EED: variants seen among roughly 807,000 people sequenced by gnomAD.
EED encodes embryonic ectoderm development.
A neutral mutation model predicts 61.0 loss-of-function variants in EED; 9 were observed. That is an observed-to-expected ratio of 0.15 (90% CI 0.09 to 0.26). The LOEUF is 0.26. Among genes scored for constraint, EED ranks in the 10% least tolerant of loss-of-function variants. The pLI is 1.00. For missense variants in EED, 315 were observed against 542.3 expected (o/e 0.58, Z 4.16); for synonymous variants, 187 against 174.4 (o/e 1.07, Z -0.57).
chr11:86,273,792 T>C (rs978651521), intron 9 of EED, among the ~76,000 whole-genome samples: 2 of 152,236 alleles, frequency 1.3e-5, no homozygotes, highest in Non-Finnish European at 2.9e-5. Context: ...CCCCTGTAGG[T>C]AAGATGTTCT....
intron 9 of EED, among the ~76,000 whole-genome samples, chr11:86,272,659 C>G (rs1946144890): frequency 6.6e-6 from 1 of 152,120 alleles, no homozygotes. Context: ...TTTTGCAGTT[C>G]TATTGTTCAT....
At position 86,272,057 on chromosome 11, in the gene EED, T is replaced by TTTTG. The variant is rs1347163752; in HGVS notation, c.966+3499_966+3500insGTTT. 2.2e-3 allele frequency among the ~76,000 whole-genome samples: 2 copies of TTTTG among 904 alleles called. 1 individual carries two copies. Among genetic ancestry groups the TTTTG allele is most frequent in the African/African-American group, 6.0e-3 (2 of 336 alleles). The allele number at this position is 904 out of a possible 152,430, so 0.6% of individuals were successfully genotyped here. On this transcript the variant is annotated intron_variant, in intron 9 of 11. Coordinates refer to ENST00000263360, the MANE Select transcript of EED (RefSeq NM_003797.5). ...AAGAGATTGTGCAAAATTAGTGTGA[T>TTTTG]TTTTTTTTTTTTTTTTTTGAGACGG...
chr11:86,271,106 A>AC (rs2138214652), intron 9 of EED, among the ~76,000 whole-genome samples: 1 of 152,184 alleles, frequency 6.6e-6, no homozygotes, highest in South Asian at 2.1e-4. Flanking sequence ...TTTGTATTAA[A>AC]CCTGTATATA....
intron 1 of EED, among the ~76,000 whole-genome samples, chr11:86,247,090 A>G (rs757125869): frequency 6.6e-6 from 1 of 152,266 alleles, no homozygotes; most frequent in Non-Finnish European, 1.5e-5. Flanking sequence ...AGACCTGTTT[A>G]GAATGAAGAA....
At chr11:86,245,437 G>T in intron 1 of EED, 94 bp downstream of exon 1, 1 of 1,023,432 alleles carries the variant, frequency 9.8e-7, no homozygotes, top group Non-Finnish European at 1.5e-6. Context: ...CTGCTGTGGG[G>T]GGAGGGAGAG....
chr11:86,260,044 A>G (rs1945787011), intron 6 of EED, among the ~76,000 whole-genome samples: 1 of 152,206 alleles, frequency 6.6e-6, no homozygotes, highest in Non-Finnish European at 1.5e-5. Context: ...CCCAACAGAA[A>G]TAACATGTCC....
In EED at chr11:86,278,638, A is replaced by C. The variant is rs561777177; in HGVS notation, c.*113A>C. ...ATTTAGAGTTGTCTTTCAGCATTCA[A>C]TCAGGCTGAGCTGAATGTAGTGATG... is the stretch of plus-strand genomic sequence containing the variant. On this transcript the variant is annotated 3_prime_UTR_variant, in exon 12 of 12. Transcript: ENST00000263360. 3.6e-6 allele frequency: 5 copies of C among 1,386,138 alleles called. No individual in the cohort carries two copies. Among genetic ancestry groups the C allele is most frequent in the Non-Finnish European group, 3.9e-6 (4 of 1,023,102 alleles). The allele number at this position is 1,386,138 out of a possible 1,614,324, so 85.9% of individuals were successfully genotyped here. A position where few individuals can be genotyped will look rare whatever the true frequency, so the allele number is the denominator to read the frequency against.
intron 11 of EED, 60 bp downstream of exon 11, chr11:86,278,051 A>T: frequency 1.4e-6 from 2 of 1,434,816 alleles, no homozygotes; most frequent in Non-Finnish European, 1.8e-6. Context: ...TTGTATGCCA[A>T]TGTAGAGAAG....
rs1462157112 is a variant in EED, at chr11:86,266,088, T to C, written c.732T>C (p.Tyr244=). 6.3e-7 allele frequency: 1 copy of C among 1,592,118 alleles called. No individual in the cohort carries two copies. The highest frequency in any genetic ancestry group is 8.5e-7 in the Non-Finnish European group (1 of 1,171,368). ...CTTTTTGGTTTTGCATACAGGATTA[T>C]GATCTTTTGGGTGAAAAAATAATGT... ...GHRDEVLSAD[Y]DLLGEKIMSC... Residue 244 remains tyrosine, a synonymous_variant, in exon 8 of 12, where the codon TAT becomes TAC. Coordinates refer to ENST00000263360, the MANE Select transcript of EED (RefSeq NM_003797.5).
At chr11:86,281,783 A>G (rs1386577831), downstream of EED, among the ~76,000 whole-genome samples, 1 of 152,190 alleles carries the variant, frequency 6.6e-6, no homozygotes, top group Non-Finnish European at 1.5e-5. Flanking sequence ...CAGCTTCCCA[A>G]GTAGCTACGA....
intron 9 of EED, chr11:86,270,194 G>A (rs1946080423): frequency 4.4e-6 from 3 of 683,618 alleles, no homozygotes; most frequent in Non-Finnish European, 5.3e-6. Context: ...TGTTCTGATA[G>A]GTGTGTAGTG....
At chr11:86,262,180 CCTG>C (rs1364778369) in intron 6 of EED, among the ~76,000 whole-genome samples, 1 of 152,132 alleles carries the variant, frequency 6.6e-6, no homozygotes, top group Non-Finnish European at 1.5e-5. Context: ...CCACACCCAG[CCTG>C]CTTTTTTTTT....
At chr11:86,253,990 G>A (rs1343263935) in intron 3 of EED, among the ~76,000 whole-genome samples, 1 of 128,998 alleles carries the variant, frequency 7.8e-6, no homozygotes, top group Non-Finnish European at 1.6e-5. Flanking sequence ...AGAGGTTGCA[G>A]TGAGCCAAGA....
At chr11:86,286,971 C>CAGAAAAAAAAAAAAAAAAA in the EED span, among the ~76,000 whole-genome samples, 1 of 68,328 alleles carries the variant, frequency 1.5e-5, no homozygotes, top group African/African-American at 4.8e-5. Context: ...GACTCCGTCT[C>CAGAAAAAAAAAAAAAAAAA]AAAAAAAAAA....
chr11:86,261,897 T>C (rs10898459), intron 6 of EED, among the ~76,000 whole-genome samples: 62,035 of 151,988 alleles, frequency 0.41, 12,795 homozygotes, highest in East Asian at 0.51. Flanking sequence ...CCTCAAGGTC[T>C]TAGCTATGTC....
Position 86,250,388 on chromosome 11 carries a change from A to G in EED, c.207A>G (p.Gly69=). ...ATGCACCTGGAAGGAAAAGTTGGGG[A>G]AAGGGAAAATGGAAGTCAAAGAAAT... ...TPNAPGRKSW[G]KGKWKSKKCK... is the part of the protein sequence containing the mutation. Residue 69 remains glycine, a synonymous_variant, in exon 2 of 12, where the codon GGA becomes GGG. Transcript: ENST00000263360. 1 of 1,609,048 alleles carries G rather than the reference A, an allele frequency of 6.2e-7. No homozygotes were observed. The highest frequency in any genetic ancestry group is 8.5e-7 in the Non-Finnish European group (1 of 1,177,904).
At chr11:86,283,771 C>G (rs1276739980), downstream of EED, among the ~76,000 whole-genome samples, 4 of 132,034 alleles carry the variant, frequency 3.0e-5, no homozygotes, top group Non-Finnish European at 6.4e-5. Context: ...CACAGAGAAT[C>G]AAGAAAATGG....
At chr11:86,275,687 ACT>A (rs1395098670) in intron 9 of EED, among the ~76,000 whole-genome samples, 11 of 151,904 alleles carry the variant, frequency 7.2e-5, no homozygotes, top group Non-Finnish European at 1.5e-5. Context: ...TCTCTTAGAG[ACT>A]CTGAATCAGT....
Position 86,275,184 on chromosome 11 carries a change from C to G in EED, c.967-1796C>G, listed in dbSNP as rs547489917. ...GGTTTCTAACTTGTTTGCCTTTTCTCTACCTTTCCAAGTCTTATGTTTGCT... is the reference window on the plus strand; with the variant it reads ...GGTTTCTAACTTGTTTGCCTTTTCTGTACCTTTCCAAGTCTTATGTTTGCT... On this transcript the variant is annotated intron_variant, in intron 9 of 11. Coordinates refer to ENST00000263360, the MANE Select transcript of EED (RefSeq NM_003797.5). Among the ~76,000 whole-genome samples, 4 of 152,308 alleles carry G rather than the reference C, an allele frequency of 2.6e-5. No homozygotes were observed. In the South Asian group the frequency reaches 8.3e-4, roughly 32 times the overall value.
Sources: gnomAD v4.1 joint callset for allele counts (sites outside exome capture counted in the v4.1 genomes callset) on GRCh38, gnomAD v4.1.1 for gene constraint, MANE v1.5 for transcripts, NCBI Gene and HGNC (gene_info 2026-07-23, HGNC 2026-07-21) for gene names.